Variants in DLG5 observed in about 807,000 individuals in gnomAD.
DLG5 encodes the protein discs large MAGUK scaffold protein 5.
Under a neutral mutation model 189.8 loss-of-function variants are expected in DLG5, and 48 were observed. That is an observed-to-expected ratio of 0.25 (90% confidence interval 0.20 to 0.32). The LOEUF is 0.32. Among genes scored for constraint, DLG5 ranks in the 10% least tolerant of loss-of-function variants. The probability of loss-of-function intolerance (pLI) is 1.00; values close to 1 mark genes in which losing one functional copy is unlikely to be tolerated. For missense variants in DLG5, 2,160 were observed against 2,544.7 expected (o/e 0.85, Z 3.25); for synonymous variants, 1,016 against 1,054.1 (o/e 0.96, Z 0.70).
At position 77,792,221 on chromosome 10, in the gene DLG5, A is replaced by C. The variant is rs1840672714; in HGVS notation, c.*219T>G. 3.4e-6 allele frequency: 2 copies of C among 591,318 alleles called. No individual in the cohort carries two copies. The highest frequency in any genetic ancestry group is 3.0e-6 in the Non-Finnish European group (1 of 332,164). 36.6% of individuals were successfully genotyped at this position (591,318 alleles called of 1,614,324 possible). ...CTTTAGTGTTATCTGTTTTGTGTTAAAGCACACGTGTGACACGGGCAGAGT... is the reference window on the plus strand; with the variant it reads ...CTTTAGTGTTATCTGTTTTGTGTTACAGCACACGTGTGACACGGGCAGAGT... On this transcript the variant is annotated 3_prime_UTR_variant, in exon 32 of 32. Coordinates refer to ENST00000372391, the MANE Select transcript of DLG5 (RefSeq NM_004747.4).
chr10:77,863,467 G>C (rs1282999407), intron 2 of DLG5, among the ~76,000 whole-genome samples: 1 of 152,126 alleles, frequency 6.6e-6, no homozygotes, highest in Non-Finnish European at 1.5e-5. Context: ...ATGTTGACAG[G>C]TAAAGAGATG....
At chr10:77,889,140 A>G (rs1845532721) in intron 1 of DLG5, among the ~76,000 whole-genome samples, 1 of 144,858 alleles carries the variant, frequency 6.9e-6, no homozygotes, top group Non-Finnish European at 1.5e-5. Context: ...TCACAAGCCC[A>G]CAGGTAACCT....
At chr10:77,872,816 C>A (rs929319893) in intron 1 of DLG5, among the ~76,000 whole-genome samples, 15 of 152,098 alleles carry the variant, frequency 9.9e-5, no homozygotes, top group African/African-American at 3.4e-4. Flanking sequence ...AATTTGGAGT[C>A]AAATTTGGTG....
chr10:77,810,799 G>A (rs1156967573), intron 23 of DLG5, among the ~76,000 whole-genome samples: 1 of 152,208 alleles, frequency 6.6e-6, no homozygotes, highest in Non-Finnish European at 1.5e-5. Flanking sequence ...GGTGATGACT[G>A]TGGGAATGTG....
intron 18 of DLG5, 135 bp downstream of exon 18, chr10:77,817,642 A>C: frequency 1.4e-6 from 1 of 722,546 alleles, no homozygotes; most frequent in Non-Finnish European, 2.3e-6. Flanking sequence ...CCTTCCCAGT[A>C]GAGAAATGAG....
chr10:77,794,713 G>A (rs529848445), intron 30 of DLG5, 136 bp downstream of exon 30: 7 of 659,130 alleles, frequency 1.1e-5, no homozygotes, highest in East Asian at 2.7e-5. Flanking sequence ...TTTTCTACAC[G>A]TACTGCCTAT....
chr10:77,940,499 C>T, the DLG5 span, among the ~76,000 whole-genome samples: 1 of 152,166 alleles, frequency 6.6e-6, no homozygotes, highest in South Asian at 2.1e-4. Flanking sequence ...CCTTGAATTG[C>T]AGGGGAGTCC....
At chr10:77,896,801 A>G (rs1050676963) in intron 1 of DLG5, among the ~76,000 whole-genome samples, 3 of 151,952 alleles carry the variant, frequency 2.0e-5, no homozygotes, top group Admixed American at 6.6e-5. Context: ...CCTGGGCCAC[A>G]AGAGTGAAAT....
chr10:77,825,391 C>CACACACACACAT, intron 13 of DLG5, among the ~76,000 whole-genome samples: 1 of 150,850 alleles, frequency 6.6e-6, no homozygotes, highest in Admixed American at 6.6e-5. Context: ...CACACACACA[C>CACACACACACAT]ACACACACAC....
chr10:77,816,792 G>T, intron 19 of DLG5, 91 bp from the exon 20 acceptor site: 1 of 1,513,200 alleles, frequency 6.6e-7, no homozygotes, highest in Non-Finnish European at 8.9e-7. Context: ...CAGACACACA[G>T]CTCTATCCCC....
intron 26 of DLG5, 149 bp from the exon 27 acceptor site, chr10:77,806,010 C>T (rs1049859026): frequency 2.3e-5 from 17 of 728,320 alleles, no homozygotes; most frequent in Middle Eastern, 3.9e-4. Flanking sequence ...TCTCCTCCCA[C>T]GCCCCTGGGA....
intron 19 of DLG5, 38 bp downstream of exon 19, chr10:77,816,969 G>GA (rs1272454311): frequency 6.2e-7 from 1 of 1,601,924 alleles, no homozygotes; most frequent in Non-Finnish European, 8.5e-7. Context: ...CAGACCGCAG[G>GA]AAAAGCAGGA....
In DLG5 at chr10:77,821,331, C is replaced by A. The variant is rs1183474799; in HGVS notation, c.3153G>T (p.Leu1051=). ...SSPSTSPPSA[L]PPDVDPGEPM... ...GCTCCCCGGGGTCCACGTCAGGGGG[C>A]AGGGCGCTCGGGGGACTAGTGGATG... The change falls in exon 15 of 32, where the codon CTG becomes CTT. Residue 1051 remains leucine, a synonymous_variant. Transcript: ENST00000372391. 1.9e-6 allele frequency: 3 copies of A among 1,613,068 alleles called. No individual in the cohort carries two copies. Among genetic ancestry groups the A allele is most frequent in the Admixed American group, 3.3e-5 (2 of 60,004 alleles).
Position 77,856,745 on chromosome 10 carries a change from G to A in DLG5, c.521C>T (p.Thr174Met), listed in dbSNP as rs1055819872. 5.0e-6 allele frequency: 8 copies of A among 1,613,266 alleles called. No homozygotes were observed. The highest frequency in any genetic ancestry group is 1.1e-5 in the South Asian group (1 of 91,036). Residue 174 changes from threonine to methionine, a missense_variant, in exon 3 of 32, where the codon ACG becomes ATG. By Grantham distance (81) the Thr-to-Met change is moderately conservative. This residue lies in a region of DLG5 where 664 missense variants were observed against 838.5 expected (regional missense o/e 0.79). Coordinates refer to ENST00000372391, the MANE Select transcript of DLG5 (RefSeq NM_004747.4). ...CAATTACTACCTCTTGTCAAAGGCC[G>A]TGCCATGCGTAGCAAAGGCCAGGCG... ...RKRLAFATHG[T>M]AFDKRPYHRL...
Position 77,811,221 on chromosome 10 carries a change from G to C in DLG5, c.4336C>G (p.Pro1446Ala), listed in dbSNP as rs746661622. 6.2e-7 allele frequency: 1 copy of C among 1,613,026 alleles called. No individual in the cohort carries two copies. The highest frequency in any genetic ancestry group is 8.5e-7 in the Non-Finnish European group (1 of 1,179,846). ...SHSRSSSHLD[P>A]AGTHSTLQGS... The stretch of plus-strand genomic sequence containing the variant: ...TGGAGAGTGGAGTGGGTACCGGCAG[G>C]GTCCAGGTGTGAGCTGGAGGCGGAG... Residue 1446 changes from proline to alanine, a missense_variant, in exon 23 of 32, where the codon CCT becomes GCT. Pro to Ala is a conservative substitution (Grantham distance 27). Transcript: ENST00000372391.
At chr10:77,835,984 T>G in intron 7 of DLG5, 62 bp from the exon 8 acceptor site, 1 of 1,544,740 alleles carries the variant, frequency 6.5e-7, no homozygotes, top group East Asian at 2.3e-5. Flanking sequence ...CAGGAGCGCC[T>G]CCCACCAGTG....
chr10:77,875,173 G>A (rs1356251365), intron 1 of DLG5, among the ~76,000 whole-genome samples: 3 of 152,160 alleles, frequency 2.0e-5, no homozygotes, highest in East Asian at 1.9e-4. Context: ...CTACCCCAGC[G>A]CCTGTGCTCT....
intron 26 of DLG5, 40 bp downstream of exon 26, chr10:77,806,718 A>AGCGCCCCCCCC: frequency 7.5e-7 from 1 of 1,333,654 alleles, no homozygotes; most frequent in Non-Finnish European, 1.1e-6. Context: ...GCCCTCGGCG[A>AGCGCCCCCCCC]CCCCTGCCCC....
At chr10:77,937,234 T>TC in the DLG5 span, among the ~76,000 whole-genome samples, 2 of 152,048 alleles carry the variant, frequency 1.3e-5, no homozygotes, top group Non-Finnish European at 2.9e-5. Context: ...GTGCCCCTTC[T>TC]CCCCCAGGGC....
Sources: gnomAD v4.1 joint callset for allele counts (sites outside exome capture counted in the v4.1 genomes callset) on GRCh38, gnomAD v4.1.1 for gene constraint, gnomAD v4.1.1 regional missense constraint, MANE v1.5 for transcripts, NCBI Gene and HGNC (gene_info 2026-07-23, HGNC 2026-07-21) for gene names.